CHSY1: variants seen among roughly 807,000 people sequenced by gnomAD.
CHSY1 encodes N-acetylgalactosaminyl-proteoglycan 3-beta-glucuronosyltransferase 1.
In CHSY1, 13 loss-of-function variants were observed where a neutral mutation model predicts 59.8. That is an observed-to-expected ratio of 0.22 (90% CI 0.14 to 0.35). The LOEUF is 0.35. Among genes scored for constraint, CHSY1 ranks in the 10% least tolerant of loss-of-function variants. CHSY1 has a pLI of 1.00. For missense variants in CHSY1, 947 were observed against 1,030.6 expected, an observed-to-expected ratio of 0.92 and a Z score of 1.11; for synonymous variants, 459 against 401.2, an observed-to-expected ratio of 1.14 and a Z score of -1.72.
intron 1 of CHSY1, among the ~76,000 whole-genome samples, chr15:101,236,284 C>A (rs1172809493): frequency 6.6e-6 from 1 of 152,168 alleles, no homozygotes; most frequent in Admixed American, 6.5e-5. Context: ...TGAATGATAG[C>A]TCCCACAGTT....
intron 2 of CHSY1, among the ~76,000 whole-genome samples, chr15:101,207,331 C>T (rs1416385134): frequency 1.3e-5 from 2 of 152,208 alleles, no homozygotes; most frequent in Non-Finnish European, 2.9e-5. Context: ...GAAGAATCAG[C>T]GTCACCAAGT....
rs116599042 is a variant in CHSY1, at chr15:101,246,529, G to A, written c.320+4608C>T. ...TCAACCTCCAATAATTTCAATGGGT[G>A]GTACTGGCACAAGAACAGACAGAAA... is the stretch of plus-strand genomic sequence containing the variant. On this transcript the variant is annotated intron_variant, in intron 1 of 2. Transcript: ENST00000254190. Among the ~76,000 whole-genome samples, 474 of 152,192 alleles carry A rather than the reference G, an allele frequency of 3.1e-3. 3 individuals are homozygous for A. Among genetic ancestry groups the A allele is most frequent in the African/African-American group, 0.011 (446 of 41,494 alleles).
chr15:101,232,326 C>T (rs1039651110), intron 2 of CHSY1, among the ~76,000 whole-genome samples: 1 of 152,158 alleles, frequency 6.6e-6, no homozygotes, highest in Admixed American at 6.5e-5. Context: ...ATAAAAGTTC[C>T]TCATCCACAC....
At chr15:101,182,319 G>C (rs1009055913) in intron 2 of CHSY1, among the ~76,000 whole-genome samples, 2 of 152,154 alleles carry the variant, frequency 1.3e-5, no homozygotes, top group African/African-American at 2.4e-5. Flanking sequence ...ATTTTCTGGA[G>C]TGATGAACTG....
intron 1 of CHSY1, among the ~76,000 whole-genome samples, chr15:101,245,250 A>T (rs1326346247): frequency 6.6e-6 from 1 of 152,122 alleles, no homozygotes; most frequent in Admixed American, 6.5e-5. Context: ...ACCTAGCCCC[A>T]AAGAGCTGGC....
intron 2 of CHSY1, among the ~76,000 whole-genome samples, chr15:101,216,954 A>G (rs559550248): frequency 1.2e-4 from 19 of 152,362 alleles, no homozygotes; most frequent in South Asian, 4.1e-4. Flanking sequence ...AAAACAATCT[A>G]ACTGCATTAC....
At chr15:101,242,252 G>A (rs1011933541) in intron 1 of CHSY1, among the ~76,000 whole-genome samples, 14 of 152,174 alleles carry the variant, frequency 9.2e-5, no homozygotes, top group African/African-American at 1.7e-4. Context: ...AAACCCTTAC[G>A]CAAGGAACGA....
chr15:101,210,010 T>C (rs1485333797), intron 2 of CHSY1, among the ~76,000 whole-genome samples: 1 of 152,220 alleles, frequency 6.6e-6, no homozygotes, highest in Non-Finnish European at 1.5e-5. Context: ...CTTAAAGCAC[T>C]TGTCTTCAAC....
chr15:101,223,088 G>C (rs1387211232), intron 2 of CHSY1, among the ~76,000 whole-genome samples: 1 of 152,200 alleles, frequency 6.6e-6, no homozygotes, highest in Non-Finnish European at 1.5e-5. Flanking sequence ...CTGCCCCCCA[G>C]GTTCAAGTGA....
At chr15:101,229,233 G>A (rs2038870286) in intron 2 of CHSY1, among the ~76,000 whole-genome samples, 1 of 152,190 alleles carries the variant, frequency 6.6e-6, no homozygotes, top group Non-Finnish European at 1.5e-5. Context: ...TATATTAAAT[G>A]CAAATTAATT....
At chr15:101,230,104 G>C (rs1029441463) in intron 2 of CHSY1, among the ~76,000 whole-genome samples, 1 of 151,810 alleles carries the variant, frequency 6.6e-6, no homozygotes, top group Non-Finnish European at 1.5e-5. Flanking sequence ...ACCATGCCCG[G>C]CTAATTTTTG....
At chr15:101,191,659 G>C (rs944112090) in intron 2 of CHSY1, among the ~76,000 whole-genome samples, 2 of 152,156 alleles carry the variant, frequency 1.3e-5, no homozygotes, top group Admixed American at 6.5e-5. Context: ...GGGAGACTGT[G>C]CACGTGTAGG....
intron 2 of CHSY1, among the ~76,000 whole-genome samples, chr15:101,205,185 C>T (rs1381167608): frequency 2.0e-5 from 3 of 151,942 alleles, no homozygotes; most frequent in Non-Finnish European, 2.9e-5. Context: ...GGCAATACCT[C>T]ATATGCTTGA....
chr15:101,179,714 G>A (rs1171564702), intron 2 of CHSY1, among the ~76,000 whole-genome samples: 1 of 152,230 alleles, frequency 6.6e-6, no homozygotes, highest in Non-Finnish European at 1.5e-5. Flanking sequence ...TTGGTGCCTG[G>A]GGGATCAGAA....
chr15:101,192,070 A>G (rs2038452429), intron 2 of CHSY1, among the ~76,000 whole-genome samples: 1 of 152,242 alleles, frequency 6.6e-6, no homozygotes, highest in Non-Finnish European at 1.5e-5. Context: ...TACAAAAAGA[A>G]GAGAGAAATA....
intron 2 of CHSY1, among the ~76,000 whole-genome samples, chr15:101,203,121 C>T (rs2038590033): frequency 6.6e-6 from 1 of 152,192 alleles, no homozygotes; most frequent in African/African-American, 2.4e-5. Flanking sequence ...CAACTGATTG[C>T]ACCTAAAGCC....
intron 2 of CHSY1, among the ~76,000 whole-genome samples, chr15:101,207,614 A>G (rs2038639883): frequency 6.6e-6 from 1 of 152,236 alleles, no homozygotes; most frequent in South Asian, 2.1e-4. Flanking sequence ...TACTAGAAAA[A>G]AAAAGTTGAA....
chr15:101,205,042 A>G (rs543075077), intron 2 of CHSY1, among the ~76,000 whole-genome samples: 1 of 152,370 alleles, frequency 6.6e-6, no homozygotes, highest in East Asian at 1.9e-4. Context: ...ACAGATTTCT[A>G]AACAGCTCTT....
At chr15:101,204,382 C>T (rs2038603231) in intron 2 of CHSY1, among the ~76,000 whole-genome samples, 1 of 151,010 alleles carries the variant, frequency 6.6e-6, no homozygotes, top group Admixed American at 6.6e-5. Flanking sequence ...TGCAGTGAGT[C>T]GAGATCGTGC....
Sources: gnomAD v4.1 joint callset for allele counts (sites outside exome capture counted in the v4.1 genomes callset) on GRCh38, gnomAD v4.1.1 for gene constraint, MANE v1.5 for transcripts, NCBI Gene and HGNC (gene_info 2026-07-23, HGNC 2026-07-21) for gene names.